The following SEMA3C variants were observed in gnomAD, a reference collection of about 807,000 sequenced individuals.
SEMA3C encodes semaphorin 3C.
A neutral mutation model predicts 89.4 loss-of-function variants in SEMA3C; 47 were observed. The ratio of observed to expected loss-of-function variants is 0.53; its 90% CI spans 0.42 to 0.67. The LOEUF is 0.67. Ranked by LOEUF, SEMA3C falls within the 30% of genes least tolerant of loss-of-function variation. The pLI is 0.00. For missense variants in SEMA3C, 839 were observed against 929.1 expected (o/e 0.90, Z 1.26); for synonymous variants, 310 against 320.2 (o/e 0.97, Z 0.34).
chr7:80,803,417 T>C (rs1583892296), intron 8 of SEMA3C, among the ~76,000 whole-genome samples: 2 of 152,292 alleles, frequency 1.3e-5, no homozygotes, highest in East Asian at 1.9e-4. Context: ...TGAGAAACAG[T>C]TGAGCTCCAT....
chr7:80,851,911 A>G (rs1200203532), intron 2 of SEMA3C, among the ~76,000 whole-genome samples: 1 of 152,234 alleles, frequency 6.6e-6, no homozygotes, highest in Non-Finnish European at 1.5e-5. Flanking sequence ...TAGAAACTAT[A>G]AAAGTAAAGA....
intron 2 of SEMA3C, among the ~76,000 whole-genome samples, chr7:80,891,663 CA>C (rs1170899556): frequency 3.3e-5 from 5 of 151,800 alleles, no homozygotes; most frequent in Non-Finnish European, 7.4e-5. Flanking sequence ...AAGAAAAATG[CA>C]AATTATTTTA....
intron 2 of SEMA3C, among the ~76,000 whole-genome samples, chr7:80,882,498 T>C (rs1216244747): frequency 8.7e-5 from 13 of 149,132 alleles, no homozygotes; most frequent in Admixed American, 8.2e-4. Flanking sequence ...AATACGACTG[T>C]ATGAAAAAAA....
chr7:80,912,910 CCAATAA>C (rs1370826184), intron 2 of SEMA3C, among the ~76,000 whole-genome samples: 2 of 152,148 alleles, frequency 1.3e-5, no homozygotes, highest in Admixed American at 1.3e-4. Context: ...AGTTTATTGT[CCAATAA>C]CAATTCATCA....
chr7:80,745,351 T>C (rs764561089), intron 17 of SEMA3C, 44 bp from the exon 18 acceptor site: 5 of 1,551,540 alleles, frequency 3.2e-6, no homozygotes, highest in Middle Eastern at 1.7e-4. Context: ...GAACATTATA[T>C]TTCCTTAGAT....
chr7:80,745,256 A>G lies in SEMA3C; in HGVS notation c.1894T>C (p.Ser632Pro). 1 of 1,613,974 alleles carries G rather than the reference A, an allele frequency of 6.2e-7. No individual in the cohort carries two copies. Among genetic ancestry groups the G allele is most frequent in the Non-Finnish European group, 8.5e-7 (1 of 1,179,908 alleles). Reference protein sequence around the residue: ...IATSQGLLIRSVQGSDQGLYH... With the variant: ...IATSQGLLIRPVQGSDQGLYH... ...AGTCCTTGGTCAGAACCCTGAACAGAGCGGATCAGGAGTCCCTGTGAAGTG... is the reference window on the plus strand; with the variant it reads ...AGTCCTTGGTCAGAACCCTGAACAGGGCGGATCAGGAGTCCCTGTGAAGTG... The change falls in exon 18 of 18, where the codon TCT (serine) becomes CCT (proline). Residue 632 changes from serine (S) to proline (P), a missense_variant. By Grantham distance (74) the Ser-to-Pro change is moderately conservative. Transcript: ENST00000265361.
At chr7:80,853,270 A>G (rs1790559896) in intron 2 of SEMA3C, among the ~76,000 whole-genome samples, 1 of 152,176 alleles carries the variant, frequency 6.6e-6, no homozygotes, top group Admixed American at 6.5e-5. Context: ...TGCTGGGTAC[A>G]TATGCAAAAG....
intron 10 of SEMA3C, among the ~76,000 whole-genome samples, chr7:80,800,275 C>G (rs928728574): frequency 1.3e-5 from 2 of 152,006 alleles, no homozygotes; most frequent in African/African-American, 4.8e-5. Context: ...TTGTTTCCAG[C>G]TTTCCTAAGG....
At chr7:80,818,190 T>A (rs1789656012) in intron 5 of SEMA3C, 109 bp downstream of exon 5, 3 of 1,063,380 alleles carry the variant, frequency 2.8e-6, no homozygotes, top group Non-Finnish European at 4.0e-6. Flanking sequence ...TTAAAGGGCA[T>A]GAAAATATTT....
At chr7:80,852,868 C>T (rs1281379881) in intron 2 of SEMA3C, among the ~76,000 whole-genome samples, 4 of 151,826 alleles carry the variant, frequency 2.6e-5, no homozygotes, top group African/African-American at 7.3e-5. Context: ...TTGGTAGAGA[C>T]GGGGTTTCAC....
Position 80,811,346 on chromosome 7 carries a change from A to G in SEMA3C, c.448-645T>C, listed in dbSNP as rs531820540. 2.6e-5 allele frequency among the ~76,000 whole-genome samples: 4 copies of G among 152,290 alleles called. No individual in the cohort carries two copies. The East Asian group carries it at 7.7e-4, about 29-fold the overall frequency. ...AACCTAGTAAGAAAGGTAATAAATA[A>G]TTAAAATATGGAAATATGGAATATG... On this transcript the variant is annotated intron_variant, in intron 5 of 17. Coordinates refer to ENST00000265361, the MANE Select transcript of SEMA3C (RefSeq NM_006379.5).
intron 16 of SEMA3C, among the ~76,000 whole-genome samples, chr7:80,749,946 A>G (rs541031101): frequency 6.6e-6 from 1 of 152,304 alleles, no homozygotes; most frequent in Non-Finnish European, 1.5e-5. Context: ...ATGGGAACTG[A>G]TACACTTTTA....
chr7:80,896,701 G>A (rs1488788386), intron 2 of SEMA3C, among the ~76,000 whole-genome samples: 1 of 152,106 alleles, frequency 6.6e-6, no homozygotes, highest in Non-Finnish European at 1.5e-5. Flanking sequence ...ACAACTTGCT[G>A]TCTCAGAATT....
At chr7:80,895,701 A>G (rs989806935) in intron 2 of SEMA3C, among the ~76,000 whole-genome samples, 7 of 152,192 alleles carry the variant, frequency 4.6e-5, no homozygotes, top group African/African-American at 1.7e-4. Flanking sequence ...ATCTAGGTGG[A>G]AACAATTATG....
chr7:80,818,469 A>G (rs762213812), intron 4 of SEMA3C, 51 bp from the exon 5 acceptor site: 1 of 1,580,636 alleles, frequency 6.3e-7, no homozygotes, highest in East Asian at 2.3e-5. Flanking sequence ...TTTCATTGTT[A>G]TTTCAGTTAG....
chr7:80,843,619 A>T (rs1031981479), intron 2 of SEMA3C, among the ~76,000 whole-genome samples: 14 of 152,176 alleles, frequency 9.2e-5, no homozygotes, highest in Admixed American at 6.6e-4. Flanking sequence ...ATCACTCACA[A>T]CTGGTAGTCT....
At chr7:80,820,207 G>A (rs1048031382) in intron 4 of SEMA3C, among the ~76,000 whole-genome samples, 3 of 151,444 alleles carry the variant, frequency 2.0e-5, no homozygotes, top group Non-Finnish European at 2.9e-5. Flanking sequence ...ACAGGCATGT[G>A]CCACCATACC....
chr7:80,788,264 T>G (rs2115575019), intron 12 of SEMA3C, among the ~76,000 whole-genome samples: 1 of 152,336 alleles, frequency 6.6e-6, no homozygotes, highest in South Asian at 2.1e-4. Flanking sequence ...TTTCTAAGAT[T>G]ACAACAAGAC....
At chr7:80,793,667 C>T (rs539328732) in intron 11 of SEMA3C, among the ~76,000 whole-genome samples, 24 of 151,832 alleles carry the variant, frequency 1.6e-4, no homozygotes, top group Non-Finnish European at 3.2e-4. Flanking sequence ...TTACAGCTGC[C>T]AAGGTCAGTG....
Sources: gnomAD v4.1 joint callset for allele counts (sites outside exome capture counted in the v4.1 genomes callset) on GRCh38, gnomAD v4.1.1 for gene constraint, MANE v1.5 for transcripts, NCBI Gene and HGNC (gene_info 2026-07-23, HGNC 2026-07-21) for gene names.